The following LMF1 variants were observed in gnomAD, a reference collection of about 807,000 sequenced individuals.
LMF1 encodes lipase maturation factor 1.
A neutral mutation model predicts 60.6 loss-of-function variants in LMF1; 68 were observed. That is an observed-to-expected ratio of 1.12 (90% CI 0.92 to 1.37). The LOEUF is 1.37. LMF1 is among the 40% of genes most tolerant of loss of function. The pLI is 0.00. For synonymous variants in LMF1, 418 were observed against 324.7 expected (o/e 1.29, Z -3.09); for missense variants, 948 against 767.2 (o/e 1.24, Z -2.78).
In LMF1 at chr16:870,888, AG is replaced by A. The variant is rs1341176812; in HGVS notation, c.1079-7del. On this transcript the variant is annotated splice_polypyrimidine_tract_variant and splice_region_variant and intron_variant, in intron 7 of 10. Coordinates refer to ENST00000262301, the MANE Select transcript of LMF1 (RefSeq NM_022773.4). The stretch of plus-strand genomic sequence containing the variant: ...TGCACGCCGCACCACGGAGCCTGGC[AG>A]GGGAGTGACATCTTCCAGGTGGGGC... 6.2e-7 allele frequency: 1 copy of A among 1,601,606 alleles called. No homozygotes were observed. Among genetic ancestry groups the A allele is most frequent in the Non-Finnish European group, 8.5e-7 (1 of 1,177,352 alleles).
intron 3 of LMF1, among the ~76,000 whole-genome samples, chr16:922,478 A>T (rs2071458919): frequency 6.6e-6 from 1 of 152,242 alleles, no homozygotes; most frequent in Non-Finnish European, 1.5e-5. Context: ...TTGTGTGGAC[A>T]AACAGCTGAG....
chr16:897,413 G>A lies in LMF1; in HGVS notation c.664-4341C>T, dbSNP rs538606022. On this transcript the variant is annotated intron_variant, in intron 4 of 10. Coordinates refer to ENST00000262301, the MANE Select transcript of LMF1 (RefSeq NM_022773.4). This position sits in a 1 kb window ranked among gnomAD's most constrained non-coding sequence, Gnocchi z 4.3. Reference sequence around the variant, plus strand: ...ACGTGGTGTTTGAGGAGGGGGCGCCGCCAGGCCTCCCTCCGAGCCACAACC... The same window carrying A: ...ACGTGGTGTTTGAGGAGGGGGCGCCACCAGGCCTCCCTCCGAGCCACAACC... Among the ~76,000 whole-genome samples the A allele has an allele frequency of 7.2e-4, 109 of 152,032 alleles. No homozygotes were observed. Among genetic ancestry groups the A allele is most frequent in the Non-Finnish European group, 1.3e-3 (86 of 67,978 alleles).
At chr16:914,658 T>C (rs1320631324) in intron 3 of LMF1, among the ~76,000 whole-genome samples, 14 of 115,282 alleles carry the variant, frequency 1.2e-4, no homozygotes, top group African/African-American at 3.8e-4. Context: ...CTCATGACCA[T>C]TGGTGACACA....
At chr16:928,016 C>T (rs943933358) in intron 3 of LMF1, among the ~76,000 whole-genome samples, 6 of 152,214 alleles carry the variant, frequency 3.9e-5, no homozygotes, top group East Asian at 3.9e-4. Flanking sequence ...GGGCCTGGTA[C>T]GCTTGGAAAG....
At chr16:867,614 C>T (rs773629441) in intron 10 of LMF1, among the ~76,000 whole-genome samples, 6 of 152,306 alleles carry the variant, frequency 3.9e-5, no homozygotes, top group Admixed American at 6.5e-5. Context: ...CTGGTGGCCA[C>T]GTGGCAGGCA....
At chr16:880,704 T>G (rs1325457939) in intron 5 of LMF1, among the ~76,000 whole-genome samples, 1 of 152,218 alleles carries the variant, frequency 6.6e-6, no homozygotes, top group Non-Finnish European at 1.5e-5. Context: ...AGAGTGGTTG[T>G]GCAGACTTGT....
chr16:871,206 G>A lies in LMF1; in HGVS notation c.1033C>T (p.Gln345Ter), dbSNP rs372774570. ...GPGSLKDRVLQMQRDIRGARP... is the reference protein window; with the variant it reads ...GPGSLKDRVL ...GCCCCTCGGATGTCCCTCTGCATCT[G>A]CAGAACTCGGTCCTTCAGGCTGCCT... The change falls in exon 7 of 11, where the codon CAG (glutamine) becomes TAG (stop). Residue 345 changes from glutamine to a stop codon, truncating the protein, a stop_gained. Transcript: ENST00000262301. LOFTEE classifies it high-confidence loss of function. 8 of 1,610,718 alleles carry A rather than the reference G, an allele frequency of 5.0e-6. No homozygotes were observed. Among genetic ancestry groups the A allele is most frequent in the Middle Eastern group, 1.7e-4 (1 of 5,888 alleles).
At chr16:913,827 G>C (rs2071191523) in intron 3 of LMF1, among the ~76,000 whole-genome samples, 1 of 132,018 alleles carries the variant, frequency 7.6e-6, no homozygotes, top group South Asian at 2.7e-4. Context: ...GGGGCACACA[G>C]AAGAGAGGCT....
At chr16:882,867 G>A (rs970894121) in intron 5 of LMF1, among the ~76,000 whole-genome samples, 6 of 145,904 alleles carry the variant, frequency 4.1e-5, no homozygotes, top group East Asian at 2.0e-4. Context: ...GCCCATCGCA[G>A]GACCAGGAGA....
intron 5 of LMF1, among the ~76,000 whole-genome samples, chr16:889,864 G>A (rs191224578): frequency 1.5e-3 from 228 of 152,244 alleles, no homozygotes; most frequent in African/African-American, 4.6e-3. Context: ...GAGCATCCTC[G>A]TCCGAGACAC....
In LMF1 at chr16:856,232, G is replaced by A. The variant is rs139093838; in HGVS notation, c.1530-1526C>T. On this transcript the variant is annotated intron_variant, in intron 10 of 10. Transcript: ENST00000262301. ...CTTTCCTGGACCCCTTGGGCCTGAG[G>A]CTGCCATGGTTTTCCTTGGCTATAA... Among the ~76,000 whole-genome samples, 1,078 of 152,122 alleles carry A rather than the reference G, an allele frequency of 7.1e-3. 6 individuals carry two copies. Among genetic ancestry groups the A allele is most frequent in the African/African-American group, 0.025 (1,024 of 41,494 alleles).
chr16:919,950 C>T (rs980316136), intron 3 of LMF1, among the ~76,000 whole-genome samples: 1 of 152,192 alleles, frequency 6.6e-6, no homozygotes, highest in East Asian at 1.9e-4. Flanking sequence ...GTCAAGACTG[C>T]CCGGACACCA....
intron 4 of LMF1, among the ~76,000 whole-genome samples, chr16:895,284 G>A (rs35805425): frequency 0.37 from 56,841 of 152,068 alleles, 11,882 homozygotes; most frequent in African/African-American, 0.54. Flanking sequence ...GGTCAGCCTC[G>A]GGCTCCCAGT....
At chr16:865,264 A>G (rs2069581361) in intron 10 of LMF1, among the ~76,000 whole-genome samples, 1 of 152,256 alleles carries the variant, frequency 6.6e-6, no homozygotes. Context: ...TAAACTTTGA[A>G]CTACTTCAGA....
At chr16:965,730 G>A (rs1433496993) in intron 1 of LMF1, among the ~76,000 whole-genome samples, 2 of 152,190 alleles carry the variant, frequency 1.3e-5, no homozygotes, top group African/African-American at 2.4e-5. Flanking sequence ...ACACAACCAA[G>A]GGAGGGCTGT....
In LMF1 at chr16:879,552, C is replaced by A. The variant is rs759678975; in HGVS notation, c.897+18G>T. 1.9e-6 allele frequency: 3 copies of A among 1,610,436 alleles called. No homozygotes were observed. The East Asian group carries it at 6.7e-5, about 36-fold the overall frequency. ...GCGTCTCTGTGGACACGGGGCAGGG[C>A]GGGCGGCGCGGGCTCACCTGGAACA... is the stretch of plus-strand genomic sequence containing the variant. On this transcript the variant is annotated intron_variant, in intron 6 of 10. Transcript: ENST00000262301.
chr16:900,211 C>A (rs1219090185), intron 4 of LMF1: 1 of 152,246 alleles, frequency 6.6e-6, no homozygotes, highest in Non-Finnish European at 1.5e-5. Flanking sequence ...ACGGTGCCTG[C>A]AATCACACAG....
rs752912095 is a variant in LMF1 at position 878,605 on chromosome 16, C to T, written c.897+965G>A. Among the ~76,000 whole-genome samples, 58 of 152,180 alleles carry T rather than the reference C, an allele frequency of 3.8e-4. No individual in the cohort carries two copies. The highest frequency in any genetic ancestry group is 7.2e-4 in the Non-Finnish European group (49 of 68,038). On this transcript the variant is annotated intron_variant, in intron 6 of 10. Transcript: ENST00000262301. This position sits in a 1 kb window ranked among gnomAD's most constrained non-coding sequence, Gnocchi z 5.2. ...GGGACGGGTGAACCGACCGCAGGCACGCACCGTGAAACAGGACCCGGCCAA... is the reference window on the plus strand; with the variant it reads ...GGGACGGGTGAACCGACCGCAGGCATGCACCGTGAAACAGGACCCGGCCAA...
At chr16:924,910 G>A (rs1011883427) in intron 3 of LMF1, among the ~76,000 whole-genome samples, 5 of 152,260 alleles carry the variant, frequency 3.3e-5, no homozygotes, top group East Asian at 1.9e-4. Context: ...AACAAGTATT[G>A]AGGCCCAGGC....
Sources: gnomAD v4.1 joint callset for allele counts (sites outside exome capture counted in the v4.1 genomes callset) on GRCh38, gnomAD v4.1.1 for gene constraint, Gnocchi (gnomAD v3.1) non-coding constraint, MANE v1.5 for transcripts, NCBI Gene and HGNC (gene_info 2026-07-23, HGNC 2026-07-21) for gene names.